KIZ: variants seen among roughly 807,000 people sequenced by gnomAD.
KIZ encodes the protein centrosomal protein kizuna.
KIZ carries 68 observed loss-of-function variants against 79.6 expected under a neutral mutation model. That is an observed-to-expected ratio of 0.85 (90% CI 0.70 to 1.05). The LOEUF is 1.05. Ranked by LOEUF, KIZ falls within the 50% of genes least tolerant of loss-of-function variation. The probability of loss-of-function intolerance (pLI) is 0.00; values close to 1 mark genes in which losing one functional copy is unlikely to be tolerated. For synonymous variants in KIZ, 280 were observed against 281.8 expected, an observed-to-expected ratio of 0.99 and a Z score of 0.06; for missense variants, 797 against 800.4, an observed-to-expected ratio of 1.00 and a Z score of 0.05.
intron 6 of KIZ, among the ~76,000 whole-genome samples, chr20:21,169,308 G>A (rs1381485035): frequency 6.6e-6 from 1 of 151,760 alleles, no homozygotes; most frequent in Admixed American, 6.6e-5. Context: ...CATTTATGCA[G>A]CCAAAAGACA....
At chr20:21,240,506 A>G (rs1238366172) in intron 11 of KIZ, among the ~76,000 whole-genome samples, 1 of 152,236 alleles carries the variant, frequency 6.6e-6, no homozygotes, top group Non-Finnish European at 1.5e-5. Context: ...AAAATGGCTT[A>G]TTTTGAAGTA....
chr20:21,165,983 T>C (rs1325378790), intron 6 of KIZ, among the ~76,000 whole-genome samples: 1 of 152,104 alleles, frequency 6.6e-6, no homozygotes, highest in Non-Finnish European at 1.5e-5. Context: ...GTTTTTGTTT[T>C]GAGATGGAGT....
At chr20:21,157,416 T>C (rs896504643) in intron 4 of KIZ, among the ~76,000 whole-genome samples, 11 of 152,202 alleles carry the variant, frequency 7.2e-5, no homozygotes, top group African/African-American at 2.7e-4. Context: ...CTGGCAATGC[T>C]TGGCAAAATT....
intron 10 of KIZ, among the ~76,000 whole-genome samples, chr20:21,231,592 G>A (rs1423469925): frequency 6.6e-6 from 1 of 152,166 alleles, no homozygotes; most frequent in African/African-American, 2.4e-5. Context: ...TCCTGCCTAT[G>A]TTTGCTGTCA....
At chr20:21,173,930 T>A (rs767391963) in intron 6 of KIZ, among the ~76,000 whole-genome samples, 12 of 151,862 alleles carry the variant, frequency 7.9e-5, no homozygotes, top group Non-Finnish European at 1.6e-4. Context: ...CACTAGAGAG[T>A]GAATGTAAAT....
rs571458326 is a variant in KIZ at position 21,171,763 on chromosome 20, G to A, written c.1352+8604G>A. Among the ~76,000 whole-genome samples the A allele has an allele frequency of 1.9e-4, 29 of 152,162 alleles. No individual in the cohort carries two copies. The South Asian group carries it at 5.0e-3, about 26-fold the overall frequency. Reference sequence around the variant, plus strand: ...CCCGACCTTTTGCTATATGACTTTCGAGGTTGAGTTATACATAAAAGGCCT... The same window carrying A: ...CCCGACCTTTTGCTATATGACTTTCAAGGTTGAGTTATACATAAAAGGCCT... On this transcript the variant is annotated intron_variant, in intron 6 of 12. Transcript: ENST00000619189.
At chr20:21,149,914 A>G (rs988076768) in intron 4 of KIZ, among the ~76,000 whole-genome samples, 1 of 152,240 alleles carries the variant, frequency 6.6e-6, no homozygotes, top group Non-Finnish European at 1.5e-5. Context: ...GAGTGTAAGT[A>G]GTTTATATGG....
chr20:21,200,756 A>G (rs1160844749), intron 6 of KIZ, among the ~76,000 whole-genome samples: 1 of 152,178 alleles, frequency 6.6e-6, no homozygotes, highest in African/African-American at 2.4e-5. Flanking sequence ...TCCTTGGCCC[A>G]GGCATTGGGA....
At chr20:21,170,797 C>CT (rs2034172209) in intron 6 of KIZ, among the ~76,000 whole-genome samples, 1 of 152,188 alleles carries the variant, frequency 6.6e-6, no homozygotes, top group Non-Finnish European at 1.5e-5. Flanking sequence ...CCTCTGGTAA[C>CT]TATCTTTCTA....
chr20:21,168,745 A>G (rs1052390203), intron 6 of KIZ, among the ~76,000 whole-genome samples: 1 of 152,274 alleles, frequency 6.6e-6, no homozygotes, highest in South Asian at 2.1e-4. Context: ...ATATAGACCA[A>G]TGGAACAGAA....
rs146166082 is a variant in KIZ, at chr20:21,221,612, C to T, written c.1678+5964C>T. ...GTGGTTGCCTGACTGTGCCATTCCT[C>T]GTGGATATTCTTTGGCAAGCTGAAA... is the stretch of plus-strand genomic sequence containing the variant. On this transcript the variant is annotated intron_variant, in intron 9 of 12. Coordinates refer to ENST00000619189, the MANE Select transcript of KIZ (RefSeq NM_018474.6). Among the ~76,000 whole-genome samples the T allele has an allele frequency of 7.9e-5, 12 of 152,256 alleles. No homozygotes were observed. In the East Asian group the frequency reaches 1.7e-3, roughly 22 times the overall value.
intron 6 of KIZ, among the ~76,000 whole-genome samples, chr20:21,167,669 C>T (rs944270599): frequency 2.0e-5 from 3 of 146,584 alleles, no homozygotes; most frequent in African/African-American, 5.0e-5. Flanking sequence ...GCAAGCTAGT[C>T]TCATGCCTCA....
intron 6 of KIZ, among the ~76,000 whole-genome samples, chr20:21,185,996 A>G (rs2034864031): frequency 6.6e-6 from 1 of 152,186 alleles, no homozygotes; most frequent in Non-Finnish European, 1.5e-5. Flanking sequence ...AGAAGATAAT[A>G]AAATGAATGA....
Position 21,162,834 on chromosome 20 carries a change from A to G in KIZ, c.1043-16A>G. ...GAAGTCAGTGATTGGTAATCAGTTC[A>G]TGTCGCCACTTGCAGATCATCTTGC... is the stretch of plus-strand genomic sequence containing the variant. On this transcript the variant is annotated splice_polypyrimidine_tract_variant and intron_variant, in intron 5 of 12. Coordinates refer to ENST00000619189, the MANE Select transcript of KIZ (RefSeq NM_018474.6). 3 of 1,602,426 alleles carry G rather than the reference A, an allele frequency of 1.9e-6. No individual in the cohort carries two copies. The highest frequency in any genetic ancestry group is 2.2e-5 in the East Asian group (1 of 44,766).
intron 6 of KIZ, among the ~76,000 whole-genome samples, chr20:21,176,342 A>T (rs924985714): frequency 1.3e-5 from 2 of 152,068 alleles, no homozygotes; most frequent in African/African-American, 4.8e-5. Context: ...ATCAATCCGG[A>T]AAGCTGAAGA....
chr20:21,172,574 G>A (rs1161800565), intron 6 of KIZ, among the ~76,000 whole-genome samples: 2 of 152,134 alleles, frequency 1.3e-5, no homozygotes, highest in African/African-American at 4.8e-5. Flanking sequence ...ACTCCAGCCT[G>A]GGTGACAAAG....
intron 6 of KIZ, among the ~76,000 whole-genome samples, chr20:21,186,835 A>T (rs1031930050): frequency 2.6e-5 from 4 of 152,000 alleles, no homozygotes; most frequent in Non-Finnish European, 5.9e-5. Flanking sequence ...TAATCCATTT[A>T]TCCATTCATA....
intron 1 of KIZ, among the ~76,000 whole-genome samples, chr20:21,127,506 CTTATT>C (rs2031559046): frequency 6.6e-6 from 1 of 152,140 alleles, no homozygotes; most frequent in African/African-American, 2.4e-5. Flanking sequence ...ATGATTAACA[CTTATT>C]TAATTATTAA....
At chr20:21,143,921 G>T (rs1243265686) in intron 3 of KIZ, among the ~76,000 whole-genome samples, 1 of 152,164 alleles carries the variant, frequency 6.6e-6, no homozygotes, top group African/African-American at 2.4e-5. Context: ...GGTCCCAGGG[G>T]ATATAGACTT....
Sources: gnomAD v4.1 joint callset for allele counts (sites outside exome capture counted in the v4.1 genomes callset) on GRCh38, gnomAD v4.1.1 for gene constraint, MANE v1.5 for transcripts, NCBI Gene and HGNC (gene_info 2026-07-23, HGNC 2026-07-21) for gene names.